SIPA1L3: variants seen among roughly 807,000 people sequenced by gnomAD.
SIPA1L3 encodes signal induced proliferation associated 1 like 3, also known as signal-induced proliferation-associated 1-like protein 3.
In SIPA1L3, 59 loss-of-function variants were observed where a neutral mutation model predicts 150.1. The observed-to-expected ratio is 0.39, with a 90% confidence interval of 0.32 to 0.49. SIPA1L3 has a LOEUF of 0.49. Among genes scored for constraint, SIPA1L3 ranks in the 20% least tolerant of loss-of-function variants. SIPA1L3 has a pLI of 0.86. For missense variants in SIPA1L3, 2,211 were observed against 2,489.5 expected (o/e 0.89, Z 2.38); for synonymous variants, 1,070 against 1,077.6 (o/e 0.99, Z 0.14).
At chr19:38,081,105 G>GTCTCC (rs1230774879) in intron 2 of SIPA1L3, among the ~76,000 whole-genome samples, 151 bp from the exon 3 acceptor site, 1 of 152,134 alleles carries the variant, frequency 6.6e-6, no homozygotes, top group Non-Finnish European at 1.5e-5. Flanking sequence ...GGGTGACTCA[G>GTCTCC]TCTCCTCTCT....
intron 1 of SIPA1L3, among the ~76,000 whole-genome samples, chr19:37,960,842 C>T (rs551368864): frequency 3.3e-5 from 5 of 151,912 alleles, no homozygotes; most frequent in Admixed American, 1.3e-4. Context: ...GCATGAGCAA[C>T]TGCACCCAGC....
chr19:38,065,821 T>C (rs1969562133), intron 2 of SIPA1L3, among the ~76,000 whole-genome samples: 2 of 144,610 alleles, frequency 1.4e-5, no homozygotes, highest in South Asian at 4.5e-4. Flanking sequence ...GCATTACACA[T>C]AGCTCTACCT....
chr19:38,189,110 C>T (rs930664221), intron 16 of SIPA1L3, among the ~76,000 whole-genome samples: 9 of 151,556 alleles, frequency 5.9e-5, no homozygotes, highest in Non-Finnish European at 1.2e-4. Flanking sequence ...ATATGAACTA[C>T]TTCCTCACTT....
At chr19:38,009,039 CGTTT>C (rs999882262) in intron 1 of SIPA1L3, among the ~76,000 whole-genome samples, 2 of 151,510 alleles carry the variant, frequency 1.3e-5, no homozygotes, top group Non-Finnish European at 2.9e-5. Flanking sequence ...TTTTTGTTTT[CGTTT>C]GTTTGGTTTT....
rs1968909359 is a variant in SIPA1L3, at chr19:38,041,099, A to G, written c.-311+11943A>G. Reference sequence around the variant, plus strand: ...TTTTAAAGGAACCTTTATTTATTTTATTATTATTACTTTTTTTTTTTTTTT... The same window carrying G: ...TTTTAAAGGAACCTTTATTTATTTTGTTATTATTACTTTTTTTTTTTTTTT... On this transcript the variant is annotated intron_variant, in intron 2 of 21. Coordinates refer to ENST00000222345, the MANE Select transcript of SIPA1L3 (RefSeq NM_015073.3). 1.6e-5 allele frequency among the ~76,000 whole-genome samples: 2 copies of G among 128,682 alleles called. 1 individual carries two copies. The highest frequency in any genetic ancestry group is 4.9e-4 in the South Asian group (2 of 4,110). 84.4% of individuals were successfully genotyped at this position (128,682 alleles called of 152,430 possible).
intron 15 of SIPA1L3, among the ~76,000 whole-genome samples, chr19:38,180,620 C>T (rs999987120): frequency 2.0e-5 from 3 of 150,834 alleles, no homozygotes; most frequent in East Asian, 2.0e-4. Context: ...CTCGGCTCAC[C>T]GCGACCTCCG....
intron 8 of SIPA1L3, among the ~76,000 whole-genome samples, chr19:38,111,154 A>T (rs1399589443): frequency 6.6e-6 from 1 of 151,586 alleles, no homozygotes; most frequent in African/African-American, 2.4e-5. Context: ...CCTCCTGAGT[A>T]GCTGGAACTA....
chr19:37,978,202 C>T (rs1427873512), intron 1 of SIPA1L3, among the ~76,000 whole-genome samples: 1 of 152,190 alleles, frequency 6.6e-6, no homozygotes, highest in Non-Finnish European at 1.5e-5. Context: ...GGATGCATCT[C>T]TGTGGAATGC....
Position 38,027,356 on chromosome 19 carries a change from T to C in SIPA1L3, c.-378-1733T>C, listed in dbSNP as rs1968537863. 2.0e-5 allele frequency among the ~76,000 whole-genome samples: 3 copies of C among 152,178 alleles called. No homozygotes were observed. The East Asian group carries it at 5.8e-4, about 29-fold the overall frequency. On this transcript the variant is annotated intron_variant, in intron 1 of 21. Coordinates refer to ENST00000222345, the MANE Select transcript of SIPA1L3 (RefSeq NM_015073.3). Reference sequence around the variant, plus strand: ...AGGTTGCCAGTAGGAGTCCCTGGCATGAGAAAGGTTAAGAACCCCCTTGGG... The same window carrying C: ...AGGTTGCCAGTAGGAGTCCCTGGCACGAGAAAGGTTAAGAACCCCCTTGGG...
At chr19:38,126,832 G>C (rs960062636) in intron 9 of SIPA1L3, among the ~76,000 whole-genome samples, 1 of 152,006 alleles carries the variant, frequency 6.6e-6, no homozygotes, top group Non-Finnish European at 1.5e-5. Context: ...CACTGTGCCC[G>C]GCCCAATTTT....
At chr19:38,115,549 G>A (rs1970864127) in intron 8 of SIPA1L3, among the ~76,000 whole-genome samples, 1 of 152,138 alleles carries the variant, frequency 6.6e-6, no homozygotes, top group African/African-American at 2.4e-5. Context: ...AACTCACCAG[G>A]GCCCCGTGTG....
rs755961383 is a variant in SIPA1L3 at position 38,162,321 on chromosome 19, C to G, written c.3730C>G (p.Pro1244Ala). ...AGCCGGAAGCAGCGGGAACAAGCAC[C>G]CGTCCAGGCAGGATGCAGCAGGCAA... ...AIAGSSGNKH[P>A]SRQDAAGKDS... is the part of the protein sequence containing the mutation. Residue 1244 changes from proline to alanine, a missense_variant, in exon 14 of 22, where the codon CCG (proline) becomes GCG (alanine). Pro to Ala is a conservative substitution (Grantham distance 27). Around this residue, in one of 5 missense-constraint regions of SIPA1L3, gnomAD observed 806 missense variants for 870.1 expected, o/e 0.93. Transcript: ENST00000222345. 1.2e-6 allele frequency: 2 copies of G among 1,614,128 alleles called. No homozygotes were observed. The highest frequency in any genetic ancestry group is 2.2e-5 in the East Asian group (1 of 44,886).
In SIPA1L3 at chr19:38,193,651, G is replaced by A. The variant is rs919643604; in HGVS notation, c.4711G>A (p.Val1571Met). Residue 1571 changes from valine (V) to methionine (M), a missense_variant, in exon 18 of 22, where the codon GTG becomes ATG. By Grantham distance (21) the Val-to-Met change is conservative. Transcript: ENST00000222345. Reference protein sequence around the residue: ...AGLEPGLPSDVLFTSTCAFPS... With the variant: ...AGLEPGLPSDMLFTSTCAFPS... ...CCTAGAGCCAGGGCTGCCCAGCGAC[G>A]TGCTCTTCACCAGCACCTGCGCCTT... is the stretch of plus-strand genomic sequence containing the variant. 1.1e-5 allele frequency: 17 copies of A among 1,579,102 alleles called. No individual in the cohort carries two copies. Among genetic ancestry groups the A allele is most frequent in the African/African-American group, 4.1e-5 (3 of 73,562 alleles).
At chr19:38,001,054 TATATATATCAC>T (rs1292442664) in intron 1 of SIPA1L3, among the ~76,000 whole-genome samples, 6 of 150,754 alleles carry the variant, frequency 4.0e-5, no homozygotes, top group Admixed American at 6.6e-5. Flanking sequence ...ATCACACATA[TATATATATCAC>T]ATATATATCA....
chr19:38,014,912 A>C (rs959370848), intron 1 of SIPA1L3, among the ~76,000 whole-genome samples: 20 of 151,834 alleles, frequency 1.3e-4, no homozygotes, highest in Non-Finnish European at 2.5e-4. Context: ...CTCATGATCC[A>C]CCCACCTCGG....
intron 1 of SIPA1L3, among the ~76,000 whole-genome samples, chr19:37,913,372 C>T (rs1391901526): frequency 1.3e-5 from 2 of 152,060 alleles, no homozygotes; most frequent in African/African-American, 2.4e-5. Context: ...ACATTCTAGC[C>T]ATTCTAGCCC....
chr19:37,982,485 G>A (rs1029093400), intron 1 of SIPA1L3, among the ~76,000 whole-genome samples: 1 of 152,208 alleles, frequency 6.6e-6, no homozygotes, highest in Admixed American at 6.5e-5. Flanking sequence ...TTACTTGAGT[G>A]AACTCATGTA....
chr19:37,960,269 T>A (rs533239281), intron 1 of SIPA1L3, among the ~76,000 whole-genome samples: 55 of 152,360 alleles, frequency 3.6e-4, no homozygotes, highest in African/African-American at 1.3e-3. Context: ...TGATTGATTT[T>A]GGTGCAGGGT....
At chr19:37,929,012 C>G (rs1174334837) in intron 1 of SIPA1L3, among the ~76,000 whole-genome samples, 1 of 152,228 alleles carries the variant, frequency 6.6e-6, no homozygotes, top group Non-Finnish European at 1.5e-5. Flanking sequence ...AGTGCCACAT[C>G]CAGCAGCAGA....
Sources: allele counts gnomAD v4.1 joint callset (sites outside exome capture counted in the v4.1 genomes callset), GRCh38; gene constraint gnomAD v4.1.1; regional missense constraint gnomAD v4.1.1; transcripts MANE v1.5; gene names NCBI Gene and HGNC (gene_info 2026-07-23, HGNC 2026-07-21).